Variants in CEP63 observed in about 807,000 individuals in gnomAD.
The protein encoded by CEP63 is centrosomal protein 63.
Under a neutral mutation model 89.1 loss-of-function variants are expected in CEP63, and 84 were observed. That is an observed-to-expected ratio of 0.94 (90% confidence interval 0.79 to 1.13). The LOEUF (loss-of-function observed/expected upper bound fraction) is 1.13, where lower values mean the gene tolerates loss of function less well. Ranked by LOEUF, CEP63 falls within the 50% of genes most tolerant of loss-of-function variation. CEP63 has a pLI of 0.00. For synonymous variants in CEP63, 267 were observed against 272.5 expected (o/e 0.98, Z 0.20); for missense variants, 838 against 813.3 (o/e 1.03, Z -0.37).
chr3:134,647,287 C>G, the CEP63 span: 5 of 648,148 alleles, frequency 7.7e-6, no homozygotes, highest in East Asian at 1.5e-4. Context: ...TCACAGTGGC[C>G]CTTAGAGGCC....
the CEP63 span, chr3:134,610,129 A>G: frequency 0.03 from 45,248 of 1,525,974 alleles, 844 homozygotes; most frequent in South Asian, 0.046. Flanking sequence ...CTGCTGCTTC[A>G]TGCTGCCTGG....
At chr3:134,772,643 A>C in the CEP63 span, among the ~76,000 whole-genome samples, 1 of 151,728 alleles carries the variant, frequency 6.6e-6, no homozygotes, top group East Asian at 1.9e-4. Context: ...AGATATTCCC[A>C]TTTGTCTCTG....
At chr3:134,533,536 GTA>G (rs1448527565) in intron 5 of CEP63, among the ~76,000 whole-genome samples, 5 of 152,176 alleles carry the variant, frequency 3.3e-5, no homozygotes, top group African/African-American at 1.2e-4. Context: ...CATGATTATT[GTA>G]TATATTGAGA....
intron 5 of CEP63, chr3:134,535,561 A>G (rs1350183165): frequency 6.7e-6 from 1 of 149,716 alleles, no homozygotes; most frequent in Non-Finnish European, 1.5e-5. Flanking sequence ...CATAGCTTTA[A>G]CACTGTGTAT....
chr3:134,507,133 A>G lies in CEP63; in HGVS notation c.69A>G (p.Ala23=). Residue 23 remains alanine (A), a synonymous_variant, in exon 3 of 15, where the codon GCA becomes GCG. Transcript: ENST00000675561. Reference sequence around the variant, plus strand: ...GGGGATTTTTGACATCTTGTGAAGCAGAACTACAGGAGCTCATGAAACAGA... The same window carrying G: ...GGGGATTTTTGACATCTTGTGAAGCGGAACTACAGGAGCTCATGAAACAGA... The part of the protein sequence containing the change: ...HGGGFLTSCE[A]ELQELMKQID... 1 of 1,613,822 alleles carries G rather than the reference A, an allele frequency of 6.2e-7. No individual in the cohort carries two copies. Among genetic ancestry groups the G allele is most frequent in the South Asian group, 1.1e-5 (1 of 91,078 alleles).
At chr3:134,524,377 T>G (rs1948188509) in intron 3 of CEP63, among the ~76,000 whole-genome samples, 1 of 152,180 alleles carries the variant, frequency 6.6e-6, no homozygotes, top group Non-Finnish European at 1.5e-5. Context: ...TGCCCTTTAT[T>G]TCTTTATTTT....
chr3:134,674,167 A>G, the CEP63 span, among the ~76,000 whole-genome samples: 2 of 152,238 alleles, frequency 1.3e-5, no homozygotes, highest in African/African-American at 2.4e-5. Flanking sequence ...GTCATCTCAT[A>G]GTGTCAAGAA....
chr3:134,529,549 C>T (rs1345016168), intron 3 of CEP63, among the ~76,000 whole-genome samples: 2 of 152,106 alleles, frequency 1.3e-5, no homozygotes, highest in Non-Finnish European at 2.9e-5. Context: ...TCGTGTTGGC[C>T]AGGCTGGTCT....
intron 3 of CEP63, among the ~76,000 whole-genome samples, chr3:134,519,811 A>G (rs761110157): frequency 3.9e-5 from 6 of 152,216 alleles, no homozygotes; most frequent in Non-Finnish European, 8.8e-5. Context: ...TCATCATATT[A>G]TCAGAGGAAA....
chr3:134,630,363 A>T, the CEP63 span, among the ~76,000 whole-genome samples: 92,830 of 152,086 alleles, frequency 0.61, 28,957 homozygotes, highest in East Asian at 0.84. Context: ...CTTCTACCAG[A>T]GAAGTTATAA....
At chr3:134,493,922 G>T (rs1576714033) in intron 1 of CEP63, among the ~76,000 whole-genome samples, 1 of 152,142 alleles carries the variant, frequency 6.6e-6, no homozygotes, top group Admixed American at 6.5e-5. Context: ...TGTCTTAAGG[G>T]TTTAAGGAAA....
At chr3:134,728,988 C>T in the CEP63 span, among the ~76,000 whole-genome samples, 1 of 152,142 alleles carries the variant, frequency 6.6e-6, no homozygotes, top group African/African-American at 2.4e-5. Flanking sequence ...TACACACAGA[C>T]ACACAAACAC....
At chr3:134,710,406 C>T in the CEP63 span, among the ~76,000 whole-genome samples, 1 of 152,178 alleles carries the variant, frequency 6.6e-6, no homozygotes, top group Non-Finnish European at 1.5e-5. Context: ...CCACCCTGAC[C>T]CAGCACTCCA....
chr3:134,614,911 G>A, the CEP63 span, among the ~76,000 whole-genome samples: 2 of 152,182 alleles, frequency 1.3e-5, no homozygotes, highest in African/African-American at 4.8e-5. Flanking sequence ...CCTAGGATGT[G>A]TGAGCCAAGT....
chr3:134,682,622 G>T, the CEP63 span, among the ~76,000 whole-genome samples: 1 of 152,046 alleles, frequency 6.6e-6, no homozygotes, highest in African/African-American at 2.4e-5. Context: ...TAATCCATTT[G>T]TTCATCCACC....
the CEP63 span, chr3:134,601,053 A>C: frequency 6.6e-6 from 1 of 152,188 alleles, no homozygotes; most frequent in Non-Finnish European, 1.5e-5. Context: ...GGCGACTGGG[A>C]CTCGTCGCCC....
Position 134,545,656 on chromosome 3 carries a change from T to G in CEP63, c.626T>G (p.Leu209Ter). The G allele has an allele frequency of 6.2e-7, 1 of 1,614,164 alleles. No individual in the cohort carries two copies. Among genetic ancestry groups the G allele is most frequent in the Non-Finnish European group, 8.5e-7 (1 of 1,180,030 alleles). ...ELSSQSEIQH[L>*]SSKLERANDT... ...TCTAGCCAATCAGAAATTCAACACTTAAGCAGTAAACTGGAGCGGGCTAAT... is the reference window on the plus strand; with the variant it reads ...TCTAGCCAATCAGAAATTCAACACTGAAGCAGTAAACTGGAGCGGGCTAAT... The change falls in exon 7 of 15, where the codon TTA becomes TGA. Residue 209 changes from leucine to a stop codon, truncating the protein, a stop_gained. Transcript: ENST00000675561. LOFTEE classifies it high-confidence loss of function.
chr3:134,752,708 G>A, the CEP63 span, among the ~76,000 whole-genome samples: 1 of 152,172 alleles, frequency 6.6e-6, no homozygotes, highest in South Asian at 2.1e-4. Flanking sequence ...CAGGTGCACG[G>A]GACCAGCAAT....
downstream of CEP63, among the ~76,000 whole-genome samples, chr3:134,591,668 C>T (rs1958597652): frequency 6.6e-6 from 1 of 151,818 alleles, no homozygotes; most frequent in Admixed American, 6.6e-5. Context: ...CCAGCCTGGG[C>T]AACAAAGTGA....
Sources: allele counts gnomAD v4.1 joint callset (sites outside exome capture counted in the v4.1 genomes callset), GRCh38; gene constraint gnomAD v4.1.1; transcripts MANE v1.5; gene names NCBI Gene and HGNC (gene_info 2026-07-23, HGNC 2026-07-21).